The following EPHB1 variants were observed in gnomAD, a reference collection of about 807,000 sequenced individuals.
The protein encoded by EPHB1 is EPH receptor B1.
EPHB1 carries 30 observed loss-of-function variants against 94.4 expected under a neutral mutation model. The observed-to-expected ratio is 0.32, with a 90% CI of 0.24 to 0.43. EPHB1 has a LOEUF of 0.43. Among genes scored for constraint, EPHB1 ranks in the 20% least tolerant of loss-of-function variants. The pLI is 1.00. For synonymous variants in EPHB1, 522 were observed against 489.1 expected (o/e 1.07, Z -0.89); for missense variants, 1,055 against 1,308.3 (o/e 0.81, Z 2.99).
chr3:135,254,542 C>A (rs1933281013), intron 15 of EPHB1, among the ~76,000 whole-genome samples: 2 of 151,798 alleles, frequency 1.3e-5, no homozygotes, highest in South Asian at 4.2e-4. Context: ...ATTGAACCAG[C>A]CTTGCATCCC....
intron 1 of EPHB1, among the ~76,000 whole-genome samples, chr3:134,817,789 G>A (rs561111487): frequency 2.0e-5 from 3 of 152,336 alleles, no homozygotes; most frequent in Middle Eastern, 3.4e-3. Context: ...TGGTGGTTAC[G>A]ATTGATTCTG....
chr3:135,093,674 A>G (rs1251302216), intron 3 of EPHB1, among the ~76,000 whole-genome samples: 1 of 151,744 alleles, frequency 6.6e-6, no homozygotes, highest in Non-Finnish European at 1.5e-5. Flanking sequence ...GCAAGCTGAG[A>G]TTACACCACT....
chr3:135,000,024 C>T (rs1210195891), intron 3 of EPHB1, among the ~76,000 whole-genome samples: 5 of 152,172 alleles, frequency 3.3e-5, no homozygotes, highest in Non-Finnish European at 5.9e-5. Context: ...TCCTCTGGTC[C>T]CCAGGCTGGT....
rs945904064 is a variant in EPHB1 at position 134,951,217 on chromosome 3, G to A, written c.124-154G>A. On this transcript the variant is annotated intron_variant, in intron 2 of 15. Coordinates refer to ENST00000398015, the MANE Select transcript of EPHB1 (RefSeq NM_004441.5). This position sits in a 1 kb window ranked among gnomAD's most constrained non-coding sequence, Gnocchi z 4.5. ...TATAAGATCTTTAAAATCAAGTTGC[G>A]CTTAGATGTGTTCATTTCTCAAGTC... Among the ~76,000 whole-genome samples the A allele has an allele frequency of 6.6e-6, 1 of 152,298 alleles. No individual in the cohort carries two copies. Among genetic ancestry groups the A allele is most frequent in the East Asian group, 1.9e-4 (1 of 5,186 alleles).
chr3:134,974,440 T>A (rs1934104203), intron 3 of EPHB1, among the ~76,000 whole-genome samples: 1 of 152,156 alleles, frequency 6.6e-6, no homozygotes, highest in Non-Finnish European at 1.5e-5. Context: ...TCCTAGGGTG[T>A]TATGGGAATT....
At chr3:134,879,605 T>C (rs2037686906) in intron 1 of EPHB1, among the ~76,000 whole-genome samples, 1 of 152,120 alleles carries the variant, frequency 6.6e-6, no homozygotes, top group African/African-American at 2.4e-5. Context: ...TGAGCCCAGA[T>C]CATGCCACTG....
chr3:135,008,341 T>A (rs915439127), intron 3 of EPHB1, among the ~76,000 whole-genome samples: 1 of 152,218 alleles, frequency 6.6e-6, no homozygotes, highest in African/African-American at 2.4e-5. Context: ...ATCCCCATTT[T>A]ACAGATGAGG....
chr3:135,252,014 T>C (rs1933124543), intron 15 of EPHB1, among the ~76,000 whole-genome samples: 1 of 152,112 alleles, frequency 6.6e-6, no homozygotes, highest in African/African-American at 2.4e-5. Flanking sequence ...ACTTGCCTTG[T>C]TTATAAATAA....
At chr3:134,919,025 T>C (rs910107288) in intron 1 of EPHB1, among the ~76,000 whole-genome samples, 2 of 152,170 alleles carry the variant, frequency 1.3e-5, no homozygotes, top group East Asian at 3.8e-4. Flanking sequence ...AAACACCAGT[T>C]ACGAGGTGGT....
At position 135,198,338 on chromosome 3, in the gene EPHB1, A is replaced by G. The variant is rs530539578; in HGVS notation, c.2131-3136A>G. 7.2e-5 allele frequency among the ~76,000 whole-genome samples: 11 copies of G among 152,328 alleles called. No homozygotes were observed. In the South Asian group the frequency reaches 1.0e-3, roughly 14 times the overall value. On this transcript the variant is annotated intron_variant, in intron 11 of 15. Transcript: ENST00000398015. ...CTCCTTTATCTTGTCTGTGAAAACA[A>G]TATAATATTGCCTGTCTTGCCTACT...
intron 1 of EPHB1, among the ~76,000 whole-genome samples, chr3:134,813,311 A>G (rs2036210461): frequency 6.6e-6 from 1 of 152,154 alleles, no homozygotes; most frequent in Non-Finnish European, 1.5e-5. Flanking sequence ...CACACTGCTC[A>G]GTAGAAAGGA....
intron 3 of EPHB1, among the ~76,000 whole-genome samples, chr3:135,044,271 A>G (rs1936932794): frequency 6.6e-6 from 1 of 152,228 alleles, no homozygotes. Context: ...AATGGAAGTC[A>G]TCAGAAGGCA....
intron 1 of EPHB1, among the ~76,000 whole-genome samples, chr3:134,861,519 A>G (rs181699463): frequency 7.0e-4 from 106 of 152,320 alleles, no homozygotes; most frequent in Non-Finnish European, 1.3e-3. Flanking sequence ...GAGGAGGCAG[A>G]CGGATTTCAG....
chr3:134,932,909 T>C (rs536137423), intron 2 of EPHB1, among the ~76,000 whole-genome samples: 130 of 152,326 alleles, frequency 8.5e-4, no homozygotes, highest in Admixed American at 2.6e-3. Flanking sequence ...GGGTTGGCCA[T>C]GATTTCTCAG....
rs1359434812 is a variant in EPHB1, at chr3:135,025,581, T to C, written c.805+73529T>C. Among the ~76,000 whole-genome samples, 2 of 52,118 alleles carry C rather than the reference T, an allele frequency of 3.8e-5. 1 individual carries two copies. The highest frequency in any genetic ancestry group is 9.4e-5 in the African/African-American group (2 of 21,214). 34.2% of individuals were successfully genotyped at this position (52,118 alleles called of 152,430 possible). On this transcript the variant is annotated intron_variant, in intron 3 of 15. Transcript: ENST00000398015. Reference sequence around the variant, plus strand: ...GCTGCATAGTATTCCATGGTGTATATGTGCCACAATTTGCTTAATCAAGTC... The same window carrying C: ...GCTGCATAGTATTCCATGGTGTATACGTGCCACAATTTGCTTAATCAAGTC...
chr3:134,910,672 GT>G (rs2038433880), intron 1 of EPHB1, among the ~76,000 whole-genome samples: 1 of 152,344 alleles, frequency 6.6e-6, no homozygotes, highest in African/African-American at 2.4e-5. Context: ...CATTCCTGCA[GT>G]TGGGAGCATC....
At chr3:134,800,070 A>T (rs1008715738) in intron 1 of EPHB1, among the ~76,000 whole-genome samples, 1 of 152,122 alleles carries the variant, frequency 6.6e-6, no homozygotes, top group East Asian at 1.9e-4. Flanking sequence ...GAGGATGGAG[A>T]TGAAATCAAC....
At chr3:135,050,686 A>T (rs1403429544) in intron 3 of EPHB1, among the ~76,000 whole-genome samples, 11 of 152,128 alleles carry the variant, frequency 7.2e-5, no homozygotes, top group Admixed American at 2.6e-4. Flanking sequence ...TGCTGTCCCC[A>T]TGGTAATAAG....
chr3:134,920,409 T>C (rs1256754123), intron 1 of EPHB1, among the ~76,000 whole-genome samples: 1 of 151,966 alleles, frequency 6.6e-6, no homozygotes, highest in Non-Finnish European at 1.5e-5. Flanking sequence ...GCTTAAAGAG[T>C]TCTGTGGGCT....
Sources: gnomAD v4.1 joint callset for allele counts (sites outside exome capture counted in the v4.1 genomes callset) on GRCh38, gnomAD v4.1.1 for gene constraint, Gnocchi (gnomAD v3.1) non-coding constraint, MANE v1.5 for transcripts, NCBI Gene and HGNC (gene_info 2026-07-23, HGNC 2026-07-21) for gene names.